Variants in ZNF48 observed in about 807,000 individuals in gnomAD.
ZNF48 encodes zinc finger protein 553.
Under a neutral mutation model 40.0 loss-of-function variants are expected in ZNF48, and 20 were observed. The ratio of observed to expected loss-of-function variants is 0.50; its 90% CI spans 0.35 to 0.73. The LOEUF is 0.73. Ranked by LOEUF, ZNF48 falls within the 30% of genes least tolerant of loss-of-function variation. The pLI is 0.01. For synonymous variants in ZNF48, 298 were observed against 329.7 expected (o/e 0.90, Z 1.04); for missense variants, 726 against 851.9 (o/e 0.85, Z 1.84).
intron 1 of ZNF48, among the ~76,000 whole-genome samples, chr16:30,383,934 C>T (rs1342438636): frequency 6.6e-6 from 1 of 152,138 alleles, no homozygotes. Context: ...TTCCCAGCAC[C>T]TGGCTGGCGT....
Position 30,398,347 on chromosome 16 carries a change from G to T in ZNF48, c.1097G>T (p.Arg366Leu). The change falls in exon 3 of 3, where the codon CGT becomes CTT. Residue 366 changes from arginine to leucine, a missense_variant. By Grantham distance (102) the Arg-to-Leu change is moderately radical. This residue lies in a region of ZNF48 where 378 missense variants were observed against 449.1 expected (regional missense o/e 0.84). Coordinates refer to ENST00000613509, the MANE Select transcript of ZNF48 (RefSeq NM_001214909.2). This position sits in a 1 kb window ranked among gnomAD's most constrained non-coding sequence, Gnocchi z 6.6. ...CCCCATGCCTGCCCGGAATGCGACC[G>T]TACCTTCAGCCTCAGCTCCACCCTT... is the stretch of plus-strand genomic sequence containing the variant. ...ERPHACPECD[R>L]TFSLSSTLLR... 6 of 1,612,902 alleles carry T rather than the reference G, an allele frequency of 3.7e-6. No homozygotes were observed. The highest frequency in any genetic ancestry group is 5.1e-6 in the Non-Finnish European group (6 of 1,179,816).
chr16:30,396,583 C>A (rs1460085775), intron 2 of ZNF48, among the ~76,000 whole-genome samples: 1 of 150,988 alleles, frequency 6.6e-6, no homozygotes, highest in Non-Finnish European at 1.5e-5. Flanking sequence ...TAATAAGATA[C>A]AATAATAATA....
At position 30,381,710 on chromosome 16, in the gene ZNF48, G is replaced by C. The variant is rs1187213365; in HGVS notation, c.-16+3300G>C. ...CAAACCAGTCCTGTAACTCTCCAGG[G>C]AGTCGCCACTGTGAAAGGCTGAGCC... On this transcript the variant is annotated intron_variant, in intron 1 of 2. Transcript: ENST00000528032. This position sits in a 1 kb window ranked among gnomAD's most constrained non-coding sequence, Gnocchi z 4.3. The C allele has an allele frequency of 6.2e-7, 1 of 1,606,450 alleles. No individual in the cohort carries two copies. Among genetic ancestry groups the C allele is most frequent in the African/African-American group, 1.3e-5 (1 of 74,684 alleles).
chr16:30,380,757 G>T, intron 1 of ZNF48: 1 of 277,172 alleles, frequency 3.6e-6, no homozygotes, highest in Non-Finnish European at 7.0e-6. Flanking sequence ...GCCACAGAGT[G>T]AGACTCTATC....
chr16:30,399,165 C>A lies in ZNF48; in HGVS notation c.*58C>A. ...CAAAGGGAGGGGCTCTGCCGCTTAG[C>A]AGAGAAGAAAGGGCCTGGGAGGTGG... On this transcript the variant is annotated 3_prime_UTR_variant, in exon 3 of 3. Coordinates refer to ENST00000613509, the MANE Select transcript of ZNF48 (RefSeq NM_001214909.2). The A allele has an allele frequency of 6.8e-7, 1 of 1,473,674 alleles. No homozygotes were observed. The highest frequency in any genetic ancestry group is 9.0e-7 in the Non-Finnish European group (1 of 1,107,230). The allele number at this position is 1,473,674 out of a possible 1,614,324, so 91.3% of individuals were successfully genotyped here.
At position 30,398,369 on chromosome 16, in the gene ZNF48, C is replaced by A; in HGVS notation, c.1119C>A (p.Thr373=). The part of the protein sequence containing the change: ...ECDRTFSLSS[T]LLRHRLTHME... ...ACCGTACCTTCAGCCTCAGCTCCACCCTTCTTCGCCACCGCCTCACTCACA... is the reference window on the plus strand; with the variant it reads ...ACCGTACCTTCAGCCTCAGCTCCACACTTCTTCGCCACCGCCTCACTCACA... The change falls in exon 3 of 3, where the codon ACC becomes ACA. Residue 373 remains threonine (T), a synonymous_variant. Transcript: ENST00000613509. This position sits in a 1 kb window ranked among gnomAD's most constrained non-coding sequence, Gnocchi z 6.6. 1 of 1,613,230 alleles carries A rather than the reference C, an allele frequency of 6.2e-7. No individual in the cohort carries two copies. Among genetic ancestry groups the A allele is most frequent in the Non-Finnish European group, 8.5e-7 (1 of 1,179,718 alleles).
chr16:30,388,935 A>AAACAAC (rs1215969559), intron 1 of ZNF48, among the ~76,000 whole-genome samples: 2 of 150,694 alleles, frequency 1.3e-5, no homozygotes, highest in African/African-American at 4.9e-5. Flanking sequence ...ATAAAAACAA[A>AAACAAC]AACAACAACA....
chr16:30,382,824 A>G lies in ZNF48; in HGVS notation c.-16+4414A>G. 1 of 1,524,924 alleles carries G rather than the reference A, an allele frequency of 6.6e-7. No homozygotes were observed. 94.5% of individuals were successfully genotyped at this position (1,524,924 alleles called of 1,614,324 possible). ...AGACATGGGGTATGTGCAGAGAGGA[A>G]GGAAGTGGCTCCCTTTGTTAGCAGG... On this transcript the variant is annotated intron_variant, in intron 1 of 2. Coordinates refer to the ZNF48 transcript ENST00000528032. The surrounding 1 kb of genome is among the most constrained non-coding windows in gnomAD (Gnocchi z 4.8).
chr16:30,396,658 G>C (rs9888967), intron 2 of ZNF48, among the ~76,000 whole-genome samples: 96,060 of 149,464 alleles, frequency 0.64, 31,252 homozygotes, highest in East Asian at 0.92. Context: ...GAGTGTCAGA[G>C]AGACCTTAGT....
chr16:30,389,816 GTTTTTTTTTTTTTTTTTTTT>G (rs56373430), intron 1 of ZNF48, among the ~76,000 whole-genome samples: 69 of 22,506 alleles, frequency 3.1e-3, no homozygotes, highest in Admixed American at 0.012. Flanking sequence ...ATTTGGATTA[GTTTTTTTTTTTTTTTTTTTT>G]TTTTTTTTTT....
intron 1 of ZNF48, chr16:30,380,778 A>AG (rs111555174): frequency 5.3e-4 from 142 of 268,618 alleles, no homozygotes; most frequent in Middle Eastern, 1.4e-3. Flanking sequence ...TAAAAAAAAA[A>AG]AGAGAGAGAA....
At chr16:30,386,622 G>A (rs1004440043) in intron 1 of ZNF48, among the ~76,000 whole-genome samples, 11 of 152,092 alleles carry the variant, frequency 7.2e-5, no homozygotes, top group Admixed American at 5.2e-4. Context: ...ACCCTACCTC[G>A]AAAAAAATAT....
chr16:30,396,567 C>T (rs1235438401), intron 2 of ZNF48, among the ~76,000 whole-genome samples: 1 of 151,972 alleles, frequency 6.6e-6, no homozygotes, highest in East Asian at 1.9e-4. Context: ...ACCGAATGGG[C>T]TAATATAATA....
At chr16:30,390,085 C>T (rs2049931464) in intron 1 of ZNF48, among the ~76,000 whole-genome samples, 1 of 151,776 alleles carries the variant, frequency 6.6e-6, no homozygotes, top group Non-Finnish European at 1.5e-5. Flanking sequence ...CCTCCCAAAG[C>T]ACTAGGATTC....
intron 1 of ZNF48, among the ~76,000 whole-genome samples, chr16:30,389,438 T>G (rs190798170): frequency 1.3e-5 from 2 of 148,916 alleles, no homozygotes; most frequent in East Asian, 3.9e-4. Flanking sequence ...CTGGGCATGG[T>G]GGTGCGCGCC....
upstream of ZNF48, among the ~76,000 whole-genome samples, chr16:30,390,471 G>A (rs1350484154): frequency 1.3e-5 from 2 of 151,774 alleles, no homozygotes; most frequent in Admixed American, 6.6e-5. Flanking sequence ...GTGCAGTGGT[G>A]CGATCTGGGC....
upstream of ZNF48, chr16:30,394,533 T>C (rs1335427986): frequency 1.3e-5 from 2 of 152,388 alleles, no homozygotes; most frequent in Non-Finnish European, 2.9e-5. Flanking sequence ...CTGGCCTCTA[T>C]AGGGCTGCCG....
intron 1 of ZNF48, chr16:30,379,729 C>T (rs1410835852): frequency 1.2e-5 from 7 of 582,832 alleles, no homozygotes; most frequent in Non-Finnish European, 2.1e-5. Context: ...GCCTCAGCCT[C>T]CCGAGTAGCT....
In ZNF48 at chr16:30,397,987, AG is replaced by A; in HGVS notation, c.738del (p.Gln246HisfsTer46). The A allele has an allele frequency of 6.2e-7, 1 of 1,613,676 alleles. No individual in the cohort carries two copies. The highest frequency in any genetic ancestry group is 8.5e-7 in the Non-Finnish European group (1 of 1,179,878). On this transcript the variant is annotated frameshift_variant, in exon 3 of 3. Transcript: ENST00000613509. LOFTEE classifies it high-confidence loss of function. This position sits in a 1 kb window ranked among gnomAD's most constrained non-coding sequence, Gnocchi z 4.1. ...CACCAGCGGACACACCGGGGGGAGC[AG>A]CCCCCCCGACCAGTGGTGCCCCGAC... Reference protein sequence around the residue: ...IKHQRTHRGEQPPRPVVPRRQ... With the variant: ...IKHQRTHRGEXPPRPVVPRRQ...
Sources: allele counts gnomAD v4.1 joint callset (sites outside exome capture counted in the v4.1 genomes callset), GRCh38; gene constraint gnomAD v4.1.1; regional missense constraint gnomAD v4.1.1; non-coding constraint Gnocchi (gnomAD v3.1); transcripts MANE v1.5; gene names NCBI Gene and HGNC (gene_info 2026-07-23, HGNC 2026-07-21).